The following RORA variants were observed in gnomAD, a reference collection of about 807,000 sequenced individuals.
RORA encodes RAR related orphan receptor A.
In RORA, 7 loss-of-function variants were observed where a neutral mutation model predicts 69.5. That is an observed-to-expected ratio of 0.10 (90% CI 0.06 to 0.19). The LOEUF (loss-of-function observed/expected upper bound fraction) is 0.19. Among genes scored for constraint, RORA ranks in the 10% least tolerant of loss-of-function variants. The pLI, the probability that RORA is intolerant of heterozygous loss-of-function variation, is 1.00. For missense variants in RORA, 457 were observed against 663.0 expected, an observed-to-expected ratio of 0.69 and a Z score of 3.41; for synonymous variants, 261 against 240.8, an observed-to-expected ratio of 1.08 and a Z score of -0.78.
At chr15:60,613,020 GA>G (rs921413219) in intron 2 of RORA, among the ~76,000 whole-genome samples, 2 of 151,432 alleles carry the variant, frequency 1.3e-5, no homozygotes, top group Non-Finnish European at 2.9e-5. Context: ...CACTGTTCAG[GA>G]ATTTTTTTTT....
chr15:61,139,767 G>C (rs896404469), intron 1 of RORA, among the ~76,000 whole-genome samples: 2 of 152,166 alleles, frequency 1.3e-5, no homozygotes, highest in African/African-American at 4.8e-5. Context: ...GAGACAGAGT[G>C]AGTTTAAGAT....
intron 2 of RORA, chr15:60,592,536 C>G: frequency 7.8e-7 from 1 of 1,287,518 alleles, no homozygotes; most frequent in Non-Finnish European, 9.8e-7. Flanking sequence ...TGCCCGCCCG[C>G]CGAGAGCCAT....
chr15:61,042,474 G>A (rs1271153294), intron 1 of RORA, among the ~76,000 whole-genome samples: 1 of 152,212 alleles, frequency 6.6e-6, no homozygotes, highest in African/African-American at 2.4e-5. Flanking sequence ...GAGTACGGAT[G>A]TGTAGTTAAA....
chr15:60,904,109 A>G (rs1891465930), intron 1 of RORA, among the ~76,000 whole-genome samples: 1 of 152,224 alleles, frequency 6.6e-6, no homozygotes. Context: ...TAGTGGTTCA[A>G]ATAACATATA....
At chr15:61,228,320 G>A (rs974914478) in intron 1 of RORA, among the ~76,000 whole-genome samples, 1 of 151,574 alleles carries the variant, frequency 6.6e-6, no homozygotes, top group African/African-American at 2.4e-5. Flanking sequence ...GCCGGGCTCC[G>A]AACCCCCGGT....
chr15:60,629,227 G>GC (rs2140648042), intron 2 of RORA, among the ~76,000 whole-genome samples: 1 of 115,878 alleles, frequency 8.6e-6, no homozygotes, highest in African/African-American at 3.6e-5. Flanking sequence ...TTGCTCTGTT[G>GC]CCAGGCTGGA....
intron 1 of RORA, among the ~76,000 whole-genome samples, chr15:60,896,293 G>A (rs1247629734): frequency 6.6e-6 from 1 of 152,150 alleles, no homozygotes; most frequent in Non-Finnish European, 1.5e-5. Context: ...CAAAGCTAAC[G>A]CATCTTAGAC....
At chr15:60,943,897 CAGAGCCAGACTCCATCTCCAAAAAAA>C (rs1168783273) in intron 1 of RORA, among the ~76,000 whole-genome samples, 3 of 83,540 alleles carry the variant, frequency 3.6e-5, no homozygotes, top group Non-Finnish European at 7.0e-5. Flanking sequence ...ACATGGGTGA[CAGAGCCAGACTCCATCTCCAAAAAAA>C]AAAAAAAAAA....
chr15:61,150,506 C>T (rs1374881949), intron 1 of RORA, among the ~76,000 whole-genome samples: 2 of 152,164 alleles, frequency 1.3e-5, no homozygotes, highest in Non-Finnish European at 2.9e-5. Context: ...TAAACCCATA[C>T]TCAAAAGATA....
At chr15:60,591,775 G>T (rs1476980362) in intron 2 of RORA, among the ~76,000 whole-genome samples, 1 of 152,142 alleles carries the variant, frequency 6.6e-6, no homozygotes, top group Non-Finnish European at 1.5e-5. Context: ...CGGCCCGCGC[G>T]CTTTCGGAAG....
intron 1 of RORA, among the ~76,000 whole-genome samples, chr15:60,710,360 T>C (rs2071126353): frequency 6.6e-6 from 1 of 152,010 alleles, no homozygotes; most frequent in Admixed American, 6.5e-5. Flanking sequence ...TGGTGGTGCA[T>C]GACTGTAATC....
At chr15:60,915,035 G>C (rs1891832494) in intron 1 of RORA, among the ~76,000 whole-genome samples, 1 of 152,282 alleles carries the variant, frequency 6.6e-6, no homozygotes, top group South Asian at 2.1e-4. Flanking sequence ...GGAGATCAGA[G>C]AGACTATCTA....
chr15:60,801,806 G>C (rs2072585718), intron 1 of RORA, among the ~76,000 whole-genome samples: 3 of 152,216 alleles, frequency 2.0e-5, no homozygotes. Context: ...AAGCAGGCTT[G>C]TGTGGAATAA....
chr15:60,646,658 T>C (rs2070051667), intron 2 of RORA, among the ~76,000 whole-genome samples: 1 of 152,224 alleles, frequency 6.6e-6, no homozygotes, highest in South Asian at 2.1e-4. Context: ...CTTGTTCCTA[T>C]TTTGAATAAG....
At chr15:61,050,431 T>G (rs905895669) in intron 1 of RORA, among the ~76,000 whole-genome samples, 1 of 152,234 alleles carries the variant, frequency 6.6e-6, no homozygotes, top group African/African-American at 2.4e-5. Context: ...ATGGTTAGAA[T>G]TTAATAATTA....
At chr15:60,833,217 T>TA (rs892422614) in intron 1 of RORA, among the ~76,000 whole-genome samples, 7 of 149,204 alleles carry the variant, frequency 4.7e-5, no homozygotes, top group Non-Finnish European at 8.9e-5. Flanking sequence ...CTTCTTTTTT[T>TA]ATTTGTATTT....
intron 5 of RORA, among the ~76,000 whole-genome samples, chr15:60,509,799 A>AG (rs1213810576): frequency 6.6e-6 from 1 of 151,522 alleles, no homozygotes; most frequent in Non-Finnish European, 1.5e-5. Context: ...TCAAGAAAAA[A>AG]AAAAAAAAAT....
At chr15:61,210,805 T>A (rs2079984358) in intron 1 of RORA, among the ~76,000 whole-genome samples, 1 of 152,236 alleles carries the variant, frequency 6.6e-6, no homozygotes, top group Non-Finnish European at 1.5e-5. Flanking sequence ...TCAGGATTCT[T>A]ACAGATCCAT....
intron 1 of RORA, among the ~76,000 whole-genome samples, chr15:60,741,137 G>C (rs115063673): frequency 0.019 from 2,941 of 152,300 alleles, 113 homozygotes; most frequent in African/African-American, 0.068. Flanking sequence ...AGCAGCTAAT[G>C]TTACAACACT....
Sources: allele counts gnomAD v4.1 joint callset (sites outside exome capture counted in the v4.1 genomes callset), GRCh38; gene constraint gnomAD v4.1.1; transcripts MANE v1.5; gene names NCBI Gene and HGNC (gene_info 2026-07-23, HGNC 2026-07-21).